Variants in ELP4 observed in about 807,000 individuals in gnomAD.
ELP4 encodes elongator acetyltransferase complex subunit 4, also known as elongator complex protein 4.
Under a neutral mutation model 48.9 loss-of-function variants are expected in ELP4, and 51 were observed. The ratio of observed to expected loss-of-function variants is 1.04; its 90% CI spans 0.83 to 1.32. ELP4 has a LOEUF of 1.32. Ranked by LOEUF, ELP4 falls within the 40% of genes most tolerant of loss-of-function variation. The pLI is 0.00. For missense variants in ELP4, 519 were observed against 514.6 expected (o/e 1.01, Z -0.08); for synonymous variants, 210 against 189.2 (o/e 1.11, Z -0.90).
intron 3 of ELP4, among the ~76,000 whole-genome samples, chr11:31,566,667 AG>A: frequency 6.6e-6 from 1 of 152,274 alleles, no homozygotes; most frequent in South Asian, 2.1e-4. Context: ...TGCTTACAAA[AG>A]GCATTCCATT....
At chr11:31,777,039 T>C (rs1225340969) in intron 9 of ELP4, among the ~76,000 whole-genome samples, 1 of 152,134 alleles carries the variant, frequency 6.6e-6, no homozygotes, top group East Asian at 1.9e-4. Context: ...AGCAGATGCA[T>C]CCTCCACATT....
At position 31,579,516 on chromosome 11, in the gene ELP4, C is replaced by T. The variant is rs1257190120; in HGVS notation, c.382-15254C>T. Among the ~76,000 whole-genome samples, 5 of 152,064 alleles carry T rather than the reference C, an allele frequency of 3.3e-5. No individual in the cohort carries two copies. In the East Asian group the frequency reaches 9.6e-4, roughly 29 times the overall value. ...TTTATTGCGGCACTTTTCGCAATAG[C>T]AAAGACTGGGAACCAACCCAGATGT... On this transcript the variant is annotated intron_variant, in intron 3 of 9. Coordinates refer to ENST00000640961, the MANE Select transcript of ELP4 (RefSeq NM_019040.5).
chr11:31,606,047 A>G (rs1035608552), intron 5 of ELP4, among the ~76,000 whole-genome samples: 1 of 152,136 alleles, frequency 6.6e-6, no homozygotes, highest in Admixed American at 6.6e-5. Flanking sequence ...ATAATCCTAT[A>G]GTCTTTAAAA....
At chr11:31,667,096 A>G (rs917569918) in intron 9 of ELP4, among the ~76,000 whole-genome samples, 2 of 152,226 alleles carry the variant, frequency 1.3e-5, no homozygotes, top group African/African-American at 4.8e-5. Context: ...TAGACCACAT[A>G]TAGATAAGTT....
chr11:31,723,533 T>C (rs1947012550), intron 9 of ELP4, among the ~76,000 whole-genome samples: 1 of 152,214 alleles, frequency 6.6e-6, no homozygotes, highest in African/African-American at 2.4e-5. Flanking sequence ...ACCTGCTGGA[T>C]AGACCCAATC....
chr11:31,515,333 A>C (rs1379681378), intron 1 of ELP4, among the ~76,000 whole-genome samples: 2 of 152,102 alleles, frequency 1.3e-5, no homozygotes, highest in Non-Finnish European at 2.9e-5. Context: ...CAAATTTTCT[A>C]AACATTAGAA....
chr11:31,744,552 G>A lies in ELP4; in HGVS notation c.1144-38841G>A, dbSNP rs192568031. ...AAAGCTTATCCACCATGATCAAGTGGGCTTCATCCCTGGGATGCAAGGCTG... is the reference window on the plus strand; with the variant it reads ...AAAGCTTATCCACCATGATCAAGTGAGCTTCATCCCTGGGATGCAAGGCTG... On this transcript the variant is annotated intron_variant, in intron 9 of 9. Transcript: ENST00000640961. 2.9e-3 allele frequency among the ~76,000 whole-genome samples: 436 copies of A among 152,242 alleles called. 22 individuals are homozygous for A. In the East Asian group the frequency reaches 0.076, roughly 27 times the overall value.
chr11:31,632,958 G>T (rs1944895286), intron 7 of ELP4: 1 of 151,824 alleles, frequency 6.6e-6, no homozygotes, highest in South Asian at 2.1e-4. Context: ...CATATTGTCT[G>T]CCTCAAGCAT....
chr11:31,515,033 G>GTGTA (rs1263600301), intron 1 of ELP4, among the ~76,000 whole-genome samples: 4,091 of 133,850 alleles, frequency 0.031, 78 homozygotes, highest in Middle Eastern at 0.05. Context: ...GTGTGTGTGT[G>GTGTA]TATATATATA....
At chr11:31,778,252 C>T (rs973934154) in intron 9 of ELP4, among the ~76,000 whole-genome samples, 1 of 152,218 alleles carries the variant, frequency 6.6e-6, no homozygotes, top group Non-Finnish European at 1.5e-5. Flanking sequence ...CACTTTCACT[C>T]CTACCTTACT....
At position 31,515,041 on chromosome 11, in the gene ELP4, A is replaced by G. The variant is rs559659115; in HGVS notation, c.224-5015A>G. Among the ~76,000 whole-genome samples the G allele has an allele frequency of 1.8e-3, 266 of 147,414 alleles. 1 individual carries two copies. The highest frequency in any genetic ancestry group is 0.012 in the East Asian group (63 of 5,106). ...TGTGTGTGTGTGTGTGTGTATATATATATATATATATATATGTATAGGTCC... is the reference window on the plus strand; with the variant it reads ...TGTGTGTGTGTGTGTGTGTATATATGTATATATATATATATGTATAGGTCC... On this transcript the variant is annotated intron_variant, in intron 1 of 9. Coordinates refer to ENST00000640961, the MANE Select transcript of ELP4 (RefSeq NM_019040.5).
At chr11:31,675,749 T>G (rs1425932937) in intron 9 of ELP4, among the ~76,000 whole-genome samples, 1 of 152,138 alleles carries the variant, frequency 6.6e-6, no homozygotes, top group African/African-American at 2.4e-5. Context: ...CTTTTTCAGG[T>G]GTTTATAGGA....
intron 9 of ELP4, among the ~76,000 whole-genome samples, chr11:31,737,687 T>C (rs1947349504): frequency 6.6e-6 from 1 of 152,060 alleles, no homozygotes; most frequent in Non-Finnish European, 1.5e-5. Context: ...GAATCGACAT[T>C]TCTTCAAAGA....
intron 6 of ELP4, among the ~76,000 whole-genome samples, chr11:31,630,664 A>T (rs1165010292): frequency 6.6e-6 from 1 of 152,064 alleles, no homozygotes; most frequent in Non-Finnish European, 1.5e-5. Flanking sequence ...AACTGGCTGG[A>T]TGCAGTATCT....
chr11:31,738,148 C>T (rs1947360563), intron 9 of ELP4, among the ~76,000 whole-genome samples: 1 of 148,560 alleles, frequency 6.7e-6, no homozygotes, highest in Non-Finnish European at 1.5e-5. Flanking sequence ...GTAATTCCAG[C>T]ACTTTGGGAG....
intron 9 of ELP4, chr11:31,707,076 C>A: frequency 2.5e-6 from 1 of 398,064 alleles, no homozygotes; most frequent in East Asian, 3.6e-5. Flanking sequence ...TAATGATTTC[C>A]TTTCCTTTGG....
chr11:31,616,400 C>G (rs1944484613), intron 5 of ELP4, among the ~76,000 whole-genome samples: 1 of 152,018 alleles, frequency 6.6e-6, no homozygotes, highest in South Asian at 2.1e-4. Flanking sequence ...AAGATAGATC[C>G]CTGTCTTACA....
At chr11:31,539,549 A>G in intron 2 of ELP4, 113 bp from the exon 3 acceptor site, 1 of 1,086,604 alleles carries the variant, frequency 9.2e-7, no homozygotes, top group Non-Finnish European at 1.3e-6. Context: ...TCCACCTCAT[A>G]TACTTGTTTT....
chr11:31,608,081 T>C (rs1592154578), intron 5 of ELP4, among the ~76,000 whole-genome samples: 1 of 149,892 alleles, frequency 6.7e-6, no homozygotes, highest in African/African-American at 2.5e-5. Context: ...CTGTAGAGAG[T>C]GCCTGGAAAT....
Sources: gnomAD v4.1 joint callset for allele counts (sites outside exome capture counted in the v4.1 genomes callset) on GRCh38, gnomAD v4.1.1 for gene constraint, MANE v1.5 for transcripts, NCBI Gene and HGNC (gene_info 2026-07-23, HGNC 2026-07-21) for gene names.